Variants in PCMT1 observed in about 807,000 individuals in gnomAD.
The protein encoded by PCMT1 is protein-L-isoaspartate (D-aspartate) O-methyltransferase.
In PCMT1, 9 loss-of-function variants were observed where a neutral mutation model predicts 29.2. The ratio of observed to expected loss-of-function variants is 0.31; its 90% confidence interval spans 0.19 to 0.54. The LOEUF is 0.54. PCMT1 is among the 20% of genes least tolerant of loss of function. The pLI is 0.95. For missense variants in PCMT1, 184 were observed against 282.2 expected, an observed-to-expected ratio of 0.65 and a Z score of 2.49; for synonymous variants, 98 against 97.5, an observed-to-expected ratio of 1.00 and a Z score of -0.03.
chr6:149,804,042 C>T (rs1406978283), intron 7 of PCMT1, among the ~76,000 whole-genome samples: 1 of 133,180 alleles, frequency 7.5e-6, no homozygotes, highest in African/African-American at 2.9e-5. Flanking sequence ...GATCACACTA[C>T]TGCCTTCTAG....
At position 149,749,741 on chromosome 6, in the gene PCMT1, G is replaced by T. The variant is rs191394377; in HGVS notation, c.-161G>T. The T allele has an allele frequency of 4.5e-6, 7 of 1,545,350 alleles. No homozygotes were observed. The African/African-American group carries it at 6.9e-5, about 15-fold the overall frequency. On this transcript the variant is annotated 5_prime_UTR_variant, in exon 1 of 8. Coordinates refer to ENST00000464889, the MANE Select transcript of PCMT1 (RefSeq NM_001360452.2). The stretch of plus-strand genomic sequence containing the variant: ...GTGCCGCGGGGGATGCCGGGAGCGC[G>T]CAGTGGCGGCAGCGGCGGCGACGGC...
intron 1 of PCMT1, among the ~76,000 whole-genome samples, chr6:149,751,770 G>A (rs187458872): frequency 6.6e-6 from 1 of 151,926 alleles, no homozygotes; most frequent in Admixed American, 6.6e-5. Flanking sequence ...GTGAGCCACC[G>A]CGCCAGGCCG....
intron 1 of PCMT1, among the ~76,000 whole-genome samples, chr6:149,758,642 A>T (rs1237088507): frequency 6.6e-6 from 1 of 152,148 alleles, no homozygotes; most frequent in Non-Finnish European, 1.5e-5. Context: ...TTTGTATAAC[A>T]TTGTAGTTTG....
At chr6:149,809,106 A>G (rs1199997978) in intron 7 of PCMT1, among the ~76,000 whole-genome samples, 1 of 150,050 alleles carries the variant, frequency 6.7e-6, no homozygotes, top group Non-Finnish European at 1.5e-5. Flanking sequence ...AATACAAAAA[A>G]AATTTAGCCG....
At chr6:149,752,578 A>C (rs1260029914) in intron 1 of PCMT1, among the ~76,000 whole-genome samples, 1 of 152,206 alleles carries the variant, frequency 6.6e-6, no homozygotes, top group Non-Finnish European at 1.5e-5. Flanking sequence ...TTTATGTGCT[A>C]CAACAGTAGT....
At chr6:149,800,005 C>G (rs1788761539) in intron 6 of PCMT1, among the ~76,000 whole-genome samples, 2 of 152,034 alleles carry the variant, frequency 1.3e-5, no homozygotes, top group African/African-American at 4.8e-5. Context: ...GAAGACATAG[C>G]TAAAAGGATT....
chr6:149,788,942 G>T (rs1454571008), intron 3 of PCMT1, among the ~76,000 whole-genome samples: 1 of 151,488 alleles, frequency 6.6e-6, no homozygotes, highest in Admixed American at 6.6e-5. Flanking sequence ...GTTGGGAACG[G>T]TTTTCCCTAT....
rs1206270238 is a variant in PCMT1, at chr6:149,810,875, A to C, written c.*297A>C. 1 of 392,210 alleles carries C rather than the reference A, an allele frequency of 2.5e-6. No individual in the cohort carries two copies. Among genetic ancestry groups the C allele is most frequent in the Admixed American group, 4.4e-5 (1 of 22,662 alleles). 24.3% of individuals were successfully genotyped at this position (392,210 alleles called of 1,614,324 possible). On this transcript the variant is annotated 3_prime_UTR_variant, in exon 8 of 8. Coordinates refer to ENST00000464889, the MANE Select transcript of PCMT1 (RefSeq NM_001360452.2). The stretch of plus-strand genomic sequence containing the variant: ...TTAACATGCCCATATTTTACTTGGA[A>C]ATATTAAAAGAAAGGGTTCTGTAAA...
intron 7 of PCMT1, among the ~76,000 whole-genome samples, chr6:149,805,773 T>TAA (rs200406865): frequency 2.6e-5 from 4 of 150,974 alleles, no homozygotes; most frequent in African/African-American, 9.8e-5. Context: ...CCATCTCTAC[T>TAA]AAAAAAACAA....
intron 1 of PCMT1, among the ~76,000 whole-genome samples, chr6:149,766,959 C>G (rs1358043361): frequency 6.6e-6 from 1 of 152,088 alleles, no homozygotes; most frequent in Admixed American, 6.6e-5. Context: ...ATCTGTAATC[C>G]CAGCACTTTG....
chr6:149,764,263 G>C (rs193300237), intron 1 of PCMT1, among the ~76,000 whole-genome samples: 1 of 152,222 alleles, frequency 6.6e-6, no homozygotes, highest in Admixed American at 6.5e-5. Context: ...TATTTGCTCT[G>C]TTATCTTGGA....
intron 1 of PCMT1, among the ~76,000 whole-genome samples, chr6:149,751,514 C>T (rs1712622301): frequency 6.8e-6 from 1 of 147,094 alleles, no homozygotes; most frequent in Non-Finnish European, 1.5e-5. Flanking sequence ...CAGAGACTCC[C>T]TCTGTAGCCC....
chr6:149,766,827 A>G (rs949849075), intron 1 of PCMT1, among the ~76,000 whole-genome samples: 2 of 152,118 alleles, frequency 1.3e-5, no homozygotes, highest in Non-Finnish European at 2.9e-5. Context: ...CGGGCCTTCT[A>G]CCACTATGGT....
chr6:149,803,052 C>CAAAAAAAAAAAAAAAAA (rs60853264), intron 7 of PCMT1, among the ~76,000 whole-genome samples: 3 of 70,568 alleles, frequency 4.3e-5, no homozygotes, highest in Non-Finnish European at 5.7e-5. Flanking sequence ...GGCTCTGTCT[C>CAAAAAAAAAAAAAAAAA]AAAAAAAAAA....
At chr6:149,773,243 AT>A in intron 3 of PCMT1, 74 bp downstream of exon 3, 1 of 1,191,058 alleles carries the variant, frequency 8.4e-7, no homozygotes, top group Non-Finnish European at 1.2e-6. Context: ...AGTAAAAAAG[AT>A]TTAAAGAAAG....
intron 1 of PCMT1, among the ~76,000 whole-genome samples, chr6:149,766,815 G>T (rs1014993681): frequency 6.6e-6 from 1 of 152,158 alleles, no homozygotes; most frequent in African/African-American, 2.4e-5. Context: ...AGCAACTACA[G>T]ACGGGCCTTC....
At chr6:149,789,070 T>G (rs1451133693) in intron 3 of PCMT1, among the ~76,000 whole-genome samples, 5 of 140,918 alleles carry the variant, frequency 3.5e-5, no homozygotes, top group African/African-American at 1.3e-4. Context: ...GATCTGATTT[T>G]TTTTTTTTTT....
At chr6:149,793,122 C>A (rs1788441205) in intron 4 of PCMT1, among the ~76,000 whole-genome samples, 2 of 149,794 alleles carry the variant, frequency 1.3e-5, no homozygotes. Context: ...GAGATCGTGC[C>A]ACTGTACTCC....
At chr6:149,801,355 A>G (rs1775821480) in intron 6 of PCMT1, among the ~76,000 whole-genome samples, 1 of 152,196 alleles carries the variant, frequency 6.6e-6, no homozygotes. Flanking sequence ...GTGTGAAATT[A>G]TCTACTTGTG....
Sources: allele counts gnomAD v4.1 joint callset (sites outside exome capture counted in the v4.1 genomes callset), GRCh38; gene constraint gnomAD v4.1.1; transcripts MANE v1.5; gene names NCBI Gene and HGNC (gene_info 2026-07-23, HGNC 2026-07-21).